CDKL5: variants seen among roughly 807,000 people sequenced by gnomAD.
The protein encoded by CDKL5 is cyclin dependent kinase like 5, also known as cyclin-dependent kinase-like 5.
A neutral mutation model predicts 61.7 loss-of-function variants in CDKL5; 8 were observed. The observed-to-expected ratio is 0.13, with a 90% CI of 0.08 to 0.23. CDKL5 has a LOEUF of 0.23. CDKL5 is among the 10% of genes least tolerant of loss of function. CDKL5 has a pLI of 1.00. For missense variants in CDKL5, 440 were observed against 734.5 expected, an observed-to-expected ratio of 0.60 and a Z score of 4.63; for synonymous variants, 275 against 272.3, an observed-to-expected ratio of 1.01 and a Z score of -0.10.
At chrX:18,652,642 T>C (rs779360420) in intron 21 of CDKL5, among the ~76,000 whole-genome samples, 13 of 108,491 alleles carry the variant, frequency 1.2e-4, no homozygotes, top group South Asian at 4.0e-4. Context: ...GCACTCCAGC[T>C]TGGGCAACAG....
intron 3 of CDKL5, chrX:18,536,266 T>C (rs1923821594): frequency 9.1e-6 from 1 of 110,333 alleles, no homozygotes; most frequent in Non-Finnish European, 1.9e-5. Flanking sequence ...GTCGTGAGAC[T>C]TAGCAGACAC....
intron 1 of CDKL5, among the ~76,000 whole-genome samples, chrX:18,453,144 T>G (rs1932061897): frequency 8.9e-6 from 1 of 111,819 alleles, no homozygotes; most frequent in African/African-American, 3.2e-5. Context: ...TTTAACCACG[T>G]TTGAGTGCCC....
rs1459539846 is a variant in CDKL5 at position 18,630,916 on chromosome X, A to C, written c.*2159A>C. 5.7e-5 allele frequency: 43 copies of C among 748,934 alleles called. No homozygotes were observed. The highest frequency in any genetic ancestry group is 6.7e-5 in the Non-Finnish European group (43 of 638,062). The allele number at this position is 748,934 out of a possible 1,213,427, so 61.7% of individuals were successfully genotyped here. A position where few individuals can be genotyped will look rare whatever the true frequency, so the allele number is the denominator to read the frequency against. On this transcript the variant is annotated 3_prime_UTR_variant, in exon 18 of 18. Transcript: ENST00000623535. Reference sequence around the variant, plus strand: ...TTGCCTGGACACTAATGACTCTAAAAGGGTGTGTATTTAACTCTTCTTTTT... The same window carrying C: ...TTGCCTGGACACTAATGACTCTAAACGGGTGTGTATTTAACTCTTCTTTTT...
chrX:18,646,562 C>T (rs1927781447), intron 20 of CDKL5, among the ~76,000 whole-genome samples: 1 of 112,368 alleles, frequency 8.9e-6, no homozygotes, highest in Admixed American at 9.4e-5. Context: ...CTAATACGCA[C>T]TCAGGGTCCT....
Position 18,448,464 on chromosome X carries a change from A to G in CDKL5, c.-163+22769A>G, listed in dbSNP as rs142218701. On this transcript the variant is annotated intron_variant, in intron 1 of 17. Coordinates refer to ENST00000623535, the MANE Select transcript of CDKL5 (RefSeq NM_001323289.2). ...TATGCTCCGGCACGTATAGGTTCCTATACAATTTTGTTTCATACTTGATGT... is the reference window on the plus strand; with the variant it reads ...TATGCTCCGGCACGTATAGGTTCCTGTACAATTTTGTTTCATACTTGATGT... Among the ~76,000 whole-genome samples the G allele has an allele frequency of 4.3e-3, 484 of 111,900 alleles. 3 individuals carry two copies. Among genetic ancestry groups the G allele is most frequent in the African/African-American group, 0.015 (473 of 30,822 alleles).
Position 18,628,555 on chromosome X carries a change from C to T in CDKL5, c.2681C>T (p.Ala894Val). The T allele has an allele frequency of 8.3e-7, 1 of 1,211,734 alleles. No homozygotes were observed. Among genetic ancestry groups the T allele is most frequent in the Non-Finnish European group, 1.1e-6 (1 of 895,446 alleles). Residue 894 changes from alanine (A) to valine (V), a missense_variant, in exon 18 of 18, where the codon GCA becomes GTA. Physicochemically the swap from Ala to Val is moderately conservative, Grantham distance 64. Coordinates refer to ENST00000623535, the MANE Select transcript of CDKL5 (RefSeq NM_001323289.2). ...GGSSNIRQEP[A>V]PKGRPALQLP... ...AGCAGCAACATCCGGCAGGAACCCGCACCGAAGGGCAGGCCAGCCCTCCAG... is the reference window on the plus strand; with the variant it reads ...AGCAGCAACATCCGGCAGGAACCCGTACCGAAGGGCAGGCCAGCCCTCCAG...
At chrX:18,588,389 T>C in intron 9 of CDKL5, 1 of 321,963 alleles carries the variant, frequency 3.1e-6, no homozygotes, top group Non-Finnish European at 5.4e-6. Context: ...AAAATCTTTT[T>C]TAGTGTATAC....
intron 1 of CDKL5, among the ~76,000 whole-genome samples, chrX:18,477,482 G>T (rs1921362241): frequency 8.9e-6 from 1 of 112,274 alleles, no homozygotes; most frequent in African/African-American, 3.2e-5. Flanking sequence ...TTTGCTGTTT[G>T]TTTACTGTAT....
chrX:18,580,659 T>C (rs1925448562), intron 6 of CDKL5, among the ~76,000 whole-genome samples: 1 of 111,933 alleles, frequency 8.9e-6, no homozygotes, highest in Non-Finnish European at 1.9e-5. Flanking sequence ...ATAATCTTTC[T>C]TGCACTGGAG....
intron 1 of CDKL5, among the ~76,000 whole-genome samples, chrX:18,439,049 C>A (rs1434000942): frequency 1.5e-5 from 1 of 65,509 alleles, no homozygotes; most frequent in Non-Finnish European, 2.8e-5. Flanking sequence ...CTTTTTGCCC[C>A]CCCCCCCGCC....
chrX:18,501,814 G>A (rs1569196900), intron 1 of CDKL5, among the ~76,000 whole-genome samples: 1 of 112,139 alleles, frequency 8.9e-6, no homozygotes, highest in East Asian at 2.8e-4. Flanking sequence ...CTCCCAAAGT[G>A]CTGGGATTAC....
At chrX:18,507,707 G>A (rs1440856280) in intron 2 of CDKL5, among the ~76,000 whole-genome samples, 1 of 111,038 alleles carries the variant, frequency 9.0e-6, no homozygotes, top group African/African-American at 3.3e-5. Context: ...GAGATTACAG[G>A]CGTGAGCCAC....
intron 3 of CDKL5, among the ~76,000 whole-genome samples, chrX:18,553,617 C>T (rs956663089): frequency 4.5e-5 from 5 of 110,617 alleles, no homozygotes; most frequent in African/African-American, 1.3e-4. Context: ...CTCAGCCTCC[C>T]GAGTAGCTGG....
rs1466522390 is a variant in CDKL5, at chrX:18,635,601, G to A, written c.*6844G>A. The A allele has an allele frequency of 1.3e-6, 1 of 753,131 alleles. No homozygotes were observed. Among genetic ancestry groups the A allele is most frequent in the East Asian group, 1.5e-4 (1 of 6,670 alleles). The allele number at this position is 753,131 out of a possible 1,213,427, so 62.1% of individuals were successfully genotyped here. ...CTGTAACTTAATGATGTTGATCTTT[G>A]TTTTCCTATTTATAAAGCTTTTTTC... On this transcript the variant is annotated 3_prime_UTR_variant, in exon 18 of 18. Transcript: ENST00000623535.
intron 3 of CDKL5, 24 bp from the exon 4 acceptor site, chrX:18,564,453 C>A (rs763389161): frequency 1.7e-6 from 2 of 1,149,711 alleles, no homozygotes; most frequent in South Asian, 3.7e-5. Context: ...GAATGACTTT[C>A]CTTCTGCTTC....
In CDKL5 at chrX:18,631,601, C is replaced by A; in HGVS notation, c.*2844C>A. On this transcript the variant is annotated 3_prime_UTR_variant, in exon 18 of 18. Transcript: ENST00000623535. ...CTTTAGGAAGGGGAATTCATGACAT[C>A]CATGTCCTATTATCGGCCGTAACTT... is the stretch of plus-strand genomic sequence containing the variant. 1 of 754,257 alleles carries A rather than the reference C, an allele frequency of 1.3e-6. No individual in the cohort carries two copies. Among genetic ancestry groups the A allele is most frequent in the Non-Finnish European group, 1.6e-6 (1 of 639,258 alleles). The allele number at this position is 754,257 out of a possible 1,213,427, so 62.2% of individuals were successfully genotyped here. A position where few individuals can be genotyped will look rare whatever the true frequency, so the allele number is the denominator to read the frequency against.
intron 8 of CDKL5, among the ~76,000 whole-genome samples, chrX:18,586,291 T>C (rs1321123609): frequency 1.8e-5 from 2 of 111,775 alleles, no homozygotes; most frequent in Non-Finnish European, 3.8e-5. Context: ...CATTTTCTTT[T>C]GGGAGAATTG....
At chrX:18,482,094 T>TG (rs1282000564) in intron 1 of CDKL5, among the ~76,000 whole-genome samples, 2 of 111,575 alleles carry the variant, frequency 1.8e-5, no homozygotes, top group Admixed American at 1.9e-4. Flanking sequence ...TAAATATTGC[T>TG]GCGTTTGCCC....
chrX:18,601,083 A>G (rs1926163157), intron 11 of CDKL5, among the ~76,000 whole-genome samples: 1 of 111,906 alleles, frequency 8.9e-6, no homozygotes, highest in Non-Finnish European at 1.9e-5. Flanking sequence ...GCACCATATC[A>G]CATTGGTTGC....
Sources: gnomAD v4.1 joint callset for allele counts (sites outside exome capture counted in the v4.1 genomes callset) on GRCh38, gnomAD v4.1.1 for gene constraint, MANE v1.5 for transcripts, NCBI Gene and HGNC (gene_info 2026-07-23, HGNC 2026-07-21) for gene names.